CERS6: variants seen among roughly 807,000 people sequenced by gnomAD.
The protein encoded by CERS6 is LAG1 homolog, ceramide synthase 6.
A neutral mutation model predicts 56.8 loss-of-function variants in CERS6; 26 were observed. The observed-to-expected ratio is 0.46, with a 90% CI of 0.34 to 0.63. CERS6 has a LOEUF of 0.63. Ranked by LOEUF, CERS6 falls within the 30% of genes least tolerant of loss-of-function variation. CERS6 has a pLI of 0.01. For missense variants in CERS6, 415 were observed against 467.5 expected (o/e 0.89, Z 1.04); for synonymous variants, 164 against 173.3 (o/e 0.95, Z 0.42).
intron 1 of CERS6, among the ~76,000 whole-genome samples, chr2:168,525,368 A>ACACTGGACGAAGTACAGCATCTCAAACTG (rs1695052397): frequency 6.6e-6 from 1 of 152,246 alleles, no homozygotes; most frequent in African/African-American, 2.4e-5. Flanking sequence ...ACCTTAAGAA[A>ACACTGGACGAAGTACAGCATCTCAAACTG]CACTGGACGA....
intron 6 of CERS6, among the ~76,000 whole-genome samples, chr2:168,712,704 C>T (rs1452019142): frequency 6.6e-6 from 1 of 152,296 alleles, no homozygotes; most frequent in East Asian, 1.9e-4. Flanking sequence ...GGCTTCTACA[C>T]GTCTCTGCTT....
chr2:168,610,012 A>G (rs921603099), intron 3 of CERS6, among the ~76,000 whole-genome samples: 1 of 114,404 alleles, frequency 8.7e-6, no homozygotes, highest in African/African-American at 3.4e-5. Flanking sequence ...GCATCTCGCT[A>G]TGTTGCCCAG....
At chr2:168,463,204 C>G (rs1163529976) in intron 1 of CERS6, among the ~76,000 whole-genome samples, 1 of 152,134 alleles carries the variant, frequency 6.6e-6, no homozygotes, top group Non-Finnish European at 1.5e-5. Context: ...GTTTCTTGAT[C>G]TAACAATTTT....
chr2:168,565,731 A>T (rs1195619393), intron 3 of CERS6, among the ~76,000 whole-genome samples: 1 of 152,010 alleles, frequency 6.6e-6, no homozygotes, highest in Admixed American at 6.6e-5. Flanking sequence ...CATTGACATG[A>T]TTTTTTTTCT....
intron 8 of CERS6, among the ~76,000 whole-genome samples, chr2:168,726,241 G>A (rs1448845722): frequency 6.6e-6 from 1 of 152,194 alleles, no homozygotes; most frequent in East Asian, 1.9e-4. Context: ...CAATTAGTCA[G>A]TGATTCACCG....
At chr2:168,599,253 C>G (rs1042578453) in intron 3 of CERS6, among the ~76,000 whole-genome samples, 9 of 152,080 alleles carry the variant, frequency 5.9e-5, no homozygotes, top group African/African-American at 1.9e-4. Flanking sequence ...TTCTTTTCTC[C>G]CCCCAATCCT....
At chr2:168,583,306 C>T (rs1313708959) in intron 3 of CERS6, among the ~76,000 whole-genome samples, 4 of 152,046 alleles carry the variant, frequency 2.6e-5, no homozygotes, top group Admixed American at 2.6e-4. Context: ...AGAGAGACTC[C>T]ACCAAGAAAG....
intron 6 of CERS6, among the ~76,000 whole-genome samples, chr2:168,696,071 A>G (rs1686639239): frequency 6.6e-6 from 1 of 152,204 alleles, no homozygotes; most frequent in Non-Finnish European, 1.5e-5. Context: ...AAACAGTTCT[A>G]ATCCCAAGCA....
At chr2:168,720,945 C>T (rs1687349655) in intron 8 of CERS6, among the ~76,000 whole-genome samples, 1 of 152,148 alleles carries the variant, frequency 6.6e-6, no homozygotes, top group Non-Finnish European at 1.5e-5. Flanking sequence ...TACCATATAG[C>T]TATGCTTCGT....
In CERS6 at chr2:168,466,454, G is replaced by C. The variant is rs528454303; in HGVS notation, c.170+9836G>C. Among the ~76,000 whole-genome samples, 3 of 152,264 alleles carry C rather than the reference G, an allele frequency of 2.0e-5. No homozygotes were observed. In the East Asian group the frequency reaches 5.8e-4, roughly 29 times the overall value. ...ATTTCATCTTCCTCCCTAGCTTTCA[G>C]TTTAATTTTCCATGCATTTTACAAG... On this transcript the variant is annotated intron_variant, in intron 1 of 9. Transcript: ENST00000305747.
At chr2:168,746,471 C>T (rs1460695793) in intron 8 of CERS6, among the ~76,000 whole-genome samples, 2 of 151,798 alleles carry the variant, frequency 1.3e-5, no homozygotes, top group African/African-American at 2.4e-5. Context: ...CATCACGTTC[C>T]GAGTGTGGTC....
At chr2:168,465,927 C>G (rs1053410569) in intron 1 of CERS6, among the ~76,000 whole-genome samples, 1 of 151,950 alleles carries the variant, frequency 6.6e-6, no homozygotes, top group African/African-American at 2.4e-5. Flanking sequence ...CTAGAAATTA[C>G]TGCCTTCATT....
rs1693670669 is a variant in CERS6, at chr2:168,456,765, C to T, written c.170+147C>T. ...TGTGTTCGGGGAGGGGTTGCTGACC[C>T]CCCTGCCCCGCTGGCTTTCTGGGAG... On this transcript the variant is annotated intron_variant, in intron 1 of 9. Transcript: ENST00000305747. The surrounding 1 kb of genome is among the most constrained non-coding windows in gnomAD (Gnocchi z 4.1). The T allele has an allele frequency of 1.4e-6, 1 of 723,914 alleles. No homozygotes were observed. Among genetic ancestry groups the T allele is most frequent in the African/African-American group, 1.8e-5 (1 of 55,736 alleles). The allele number at this position is 723,914 out of a possible 1,614,324, so 44.8% of individuals were successfully genotyped here.
chr2:168,506,717 G>C (rs1368873846), intron 1 of CERS6, among the ~76,000 whole-genome samples: 1 of 152,086 alleles, frequency 6.6e-6, no homozygotes, highest in African/African-American at 2.4e-5. Context: ...CTGATTGGCA[G>C]GCTAGAGATG....
chr2:168,734,605 T>C (rs752428124), intron 8 of CERS6, among the ~76,000 whole-genome samples: 1 of 152,192 alleles, frequency 6.6e-6, no homozygotes, highest in African/African-American at 2.4e-5. Flanking sequence ...TGGCCATCTA[T>C]CAGTAGTCAA....
At chr2:168,609,974 G>GTTTTTTTTTTTTTTTTTTTTTTTT in intron 3 of CERS6, among the ~76,000 whole-genome samples, 1 of 93,820 alleles carries the variant, frequency 1.1e-5, no homozygotes, top group Non-Finnish European at 1.9e-5. Context: ...AGATGTGACT[G>GTTTTTTTTTTTTTTTTTTTTTTTT]TTTTTTTTTT....
At chr2:168,628,770 G>T (rs551139223) in intron 3 of CERS6, among the ~76,000 whole-genome samples, 186 of 152,176 alleles carry the variant, frequency 1.2e-3, no homozygotes, top group Middle Eastern at 6.8e-3. Context: ...TTCCTTCAAG[G>T]CTTGTGACTT....
chr2:168,464,078 T>A (rs72873069), intron 1 of CERS6, among the ~76,000 whole-genome samples: 127 of 152,318 alleles, frequency 8.3e-4, no homozygotes, highest in Middle Eastern at 3.4e-3. Context: ...TTTATCTTTT[T>A]TCTGTAAGAA....
chr2:168,507,873 G>A (rs1558976788), intron 1 of CERS6, among the ~76,000 whole-genome samples: 3 of 151,692 alleles, frequency 2.0e-5, no homozygotes, highest in Middle Eastern at 3.4e-3. Flanking sequence ...CTCTGGGAAA[G>A]TTTTTTTTCA....
Sources: gnomAD v4.1 joint callset for allele counts (sites outside exome capture counted in the v4.1 genomes callset) on GRCh38, gnomAD v4.1.1 for gene constraint, Gnocchi (gnomAD v3.1) non-coding constraint, MANE v1.5 for transcripts, NCBI Gene and HGNC (gene_info 2026-07-23, HGNC 2026-07-21) for gene names.